LMBR1: variants seen among roughly 807,000 people sequenced by gnomAD.
The protein encoded by LMBR1 is limb region 1 protein homolog.
Under a neutral mutation model 73.9 loss-of-function variants are expected in LMBR1, and 52 were observed. The ratio of observed to expected loss-of-function variants is 0.70; its 90% CI spans 0.56 to 0.89. The LOEUF is 0.89. Among genes scored for constraint, LMBR1 ranks in the 40% least tolerant of loss-of-function variants. The pLI is 0.00. For synonymous variants in LMBR1, 215 were observed against 209.4 expected (o/e 1.03, Z -0.23); for missense variants, 539 against 579.8 (o/e 0.93, Z 0.72).
chr7:156,676,681 A>T (rs1563107957), downstream of LMBR1: 1 of 1,577,994 alleles, frequency 6.3e-7, no homozygotes, highest in East Asian at 2.2e-5. Flanking sequence ...AAGTTAGGTA[A>T]TTCTGAGGAA....
intron 5 of LMBR1, among the ~76,000 whole-genome samples, chr7:156,768,091 A>C (rs1382706675): frequency 6.6e-6 from 1 of 152,222 alleles, no homozygotes; most frequent in Non-Finnish European, 1.5e-5. Flanking sequence ...ATATTTAAAT[A>C]AACAGAAAAC....
At chr7:156,719,095 T>C (rs896253522) in intron 15 of LMBR1, among the ~76,000 whole-genome samples, 4 of 151,548 alleles carry the variant, frequency 2.6e-5, no homozygotes, top group Non-Finnish European at 4.4e-5. Flanking sequence ...AACTCGTCAT[T>C]TAGCATTAGG....
At chr7:156,695,191 C>T (rs1808029138) in intron 15 of LMBR1, among the ~76,000 whole-genome samples, 1 of 152,146 alleles carries the variant, frequency 6.6e-6, no homozygotes, top group Admixed American at 6.5e-5. Flanking sequence ...TGCCTGTAGT[C>T]CTAACTTCTT....
At chr7:156,754,688 A>G (rs1291660711) in intron 9 of LMBR1, among the ~76,000 whole-genome samples, 1 of 152,212 alleles carries the variant, frequency 6.6e-6, no homozygotes, top group Non-Finnish European at 1.5e-5. Flanking sequence ...CACACTAGTC[A>G]TAATACTAGA....
In LMBR1 at chr7:156,731,010, T is replaced by C. The variant is rs369054012; in HGVS notation, c.839-2290A>G. Among the ~76,000 whole-genome samples the C allele has an allele frequency of 2.1e-3, 321 of 152,260 alleles. 7 individuals carry two copies. In the South Asian group the frequency reaches 0.065, roughly 31 times the overall value. ...AACAGACCTCCAGGTGATCCATGTATTGGATTTATCAGAAAGATGCTTTAA... is the reference window on the plus strand; with the variant it reads ...AACAGACCTCCAGGTGATCCATGTACTGGATTTATCAGAAAGATGCTTTAA... On this transcript the variant is annotated intron_variant, in intron 10 of 16. Transcript: ENST00000353442.
chr7:156,684,050 T>C lies in LMBR1; in HGVS notation c.*28A>G, dbSNP rs1473505156. ...GTGAATCTGGAGTTCTCGGGTCTCT[T>C]GGTGGCAGAAGACGCCGTCTGTGCG... On this transcript the variant is annotated 3_prime_UTR_variant, in exon 17 of 17. Coordinates refer to ENST00000353442, the MANE Select transcript of LMBR1 (RefSeq NM_022458.4). The C allele has an allele frequency of 8.3e-6, 13 of 1,572,882 alleles. No individual in the cohort carries two copies. Among genetic ancestry groups the C allele is most frequent in the Non-Finnish European group, 1.1e-5 (13 of 1,143,820 alleles).
chr7:156,831,063 G>A (rs2133864547), intron 3 of LMBR1, among the ~76,000 whole-genome samples: 1 of 152,290 alleles, frequency 6.6e-6, no homozygotes, highest in African/African-American at 2.4e-5. Flanking sequence ...GGACACACAG[G>A]TTTCAATATT....
chr7:156,699,348 C>A (rs373727659), intron 15 of LMBR1, among the ~76,000 whole-genome samples: 1 of 151,834 alleles, frequency 6.6e-6, no homozygotes, highest in South Asian at 2.1e-4. Context: ...AACTGGCTAG[C>A]CATATGTAGA....
chr7:156,826,815 T>G (rs1370080977), intron 3 of LMBR1, 71 bp from the exon 4 acceptor site: 1 of 1,380,986 alleles, frequency 7.2e-7, no homozygotes, highest in South Asian at 1.5e-5. Flanking sequence ...TCAAAAAGAA[T>G]GCAAACTCTT....
At chr7:156,692,370 C>T (rs571714127) in intron 15 of LMBR1, among the ~76,000 whole-genome samples, 2 of 152,190 alleles carry the variant, frequency 1.3e-5, no homozygotes, top group South Asian at 4.1e-4. Flanking sequence ...AGCCACTGTG[C>T]CCAGCTGACT....
chr7:156,842,017 A>C (rs1179939189), intron 1 of LMBR1, among the ~76,000 whole-genome samples: 1 of 141,588 alleles, frequency 7.1e-6, no homozygotes, highest in Non-Finnish European at 1.6e-5. Context: ...AATAAAAAGG[A>C]GGAGAACAAG....
chr7:156,756,278 C>A, intron 9 of LMBR1, 115 bp downstream of exon 9: 1 of 617,322 alleles, frequency 1.6e-6, no homozygotes, highest in South Asian at 1.8e-5. Context: ...AAAGTGTTCT[C>A]CTCTTGTAGC....
intron 3 of LMBR1, among the ~76,000 whole-genome samples, chr7:156,830,336 T>A (rs1836455691): frequency 6.6e-6 from 1 of 152,234 alleles, no homozygotes; most frequent in African/African-American, 2.4e-5. Context: ...TGGGTTAGTA[T>A]TTCAATTTTT....
At chr7:156,699,071 C>T (rs1259210276) in intron 15 of LMBR1, among the ~76,000 whole-genome samples, 4 of 152,308 alleles carry the variant, frequency 2.6e-5, no homozygotes, top group Admixed American at 6.5e-5. Context: ...ACCAGACACC[C>T]TAAATCATCT....
intron 10 of LMBR1, among the ~76,000 whole-genome samples, chr7:156,731,191 G>A (rs1389084546): frequency 6.6e-6 from 1 of 152,098 alleles, no homozygotes; most frequent in Non-Finnish European, 1.5e-5. Flanking sequence ...TGACATAGCT[G>A]AAAGAAAGCA....
At chr7:156,885,873 C>G (rs547057478) in intron 1 of LMBR1, among the ~76,000 whole-genome samples, 3 of 149,956 alleles carry the variant, frequency 2.0e-5, no homozygotes, top group Admixed American at 6.6e-5. Context: ...GACTCCATAT[C>G]ATAAATAAAT....
chr7:156,863,964 A>G (rs948913168), intron 1 of LMBR1, among the ~76,000 whole-genome samples: 6 of 152,114 alleles, frequency 3.9e-5, no homozygotes, highest in African/African-American at 1.4e-4. Flanking sequence ...AGCCTGGCCA[A>G]CACGGTGAAA....
At chr7:156,728,362 G>A (rs966512856) in intron 11 of LMBR1, among the ~76,000 whole-genome samples, 1 of 152,122 alleles carries the variant, frequency 6.6e-6, no homozygotes, top group Non-Finnish European at 1.5e-5. Context: ...TTTAAAGCAG[G>A]TTATCTGCAA....
chr7:156,724,328 A>T (rs1815259434), intron 14 of LMBR1, 150 bp from the exon 15 acceptor site: 1 of 577,520 alleles, frequency 1.7e-6, no homozygotes, highest in East Asian at 2.9e-5. Flanking sequence ...GAATTTTCAA[A>T]GAATAACACA....
Sources: gnomAD v4.1 joint callset for allele counts (sites outside exome capture counted in the v4.1 genomes callset) on GRCh38, gnomAD v4.1.1 for gene constraint, MANE v1.5 for transcripts, NCBI Gene and HGNC (gene_info 2026-07-23, HGNC 2026-07-21) for gene names.